ATP8B3: variants seen among roughly 807,000 people sequenced by gnomAD.
The protein encoded by ATP8B3 is phospholipid-transporting ATPase IK.
ATP8B3 carries 141 observed loss-of-function variants against 140.9 expected under a neutral mutation model. That is an observed-to-expected ratio of 1.00 (90% CI 0.87 to 1.15). The LOEUF is 1.15. Ranked by LOEUF, ATP8B3 falls within the 50% of genes most tolerant of loss-of-function variation. The pLI is 0.00. For missense variants in ATP8B3, 1,874 were observed against 1,740.6 expected (o/e 1.08, Z -1.36); for synonymous variants, 765 against 714.6 (o/e 1.07, Z -1.13).
At chr19:1,801,694 G>C (rs2068849742) in intron 12 of ATP8B3, among the ~76,000 whole-genome samples, 1 of 152,162 alleles carries the variant, frequency 6.6e-6, no homozygotes. Context: ...AGAGGTTGCA[G>C]TGAGCCAAGA....
rs998993074 is a variant in ATP8B3 at position 1,806,327 on chromosome 19, C to G, written c.678-158G>C. ...GCCTTCCCCGGGCTCCCACCCCACT[C>G]CCCGCGGGTCCACGCTCCCACCCAG... On this transcript the variant is annotated intron_variant, in intron 7 of 28. Transcript: ENST00000310127. The surrounding 1 kb of genome is among the most constrained non-coding windows in gnomAD (Gnocchi z 5.6). 2.7e-6 allele frequency: 4 copies of G among 1,471,738 alleles called. No homozygotes were observed. In the African/African-American group the frequency reaches 5.6e-5, roughly 21 times the overall value. 91.2% of individuals were successfully genotyped at this position (1,471,738 alleles called of 1,614,324 possible).
Position 1,809,519 on chromosome 19 carries a change from CA to C in ATP8B3, c.402+123del, listed in dbSNP as rs1256147752. On this transcript the variant is annotated intron_variant, in intron 4 of 28. Transcript: ENST00000310127. ...AAAGAAAGAAAAAGAAAACGAAAAC[CA>C]AAAAAAGAAAACTATCGAGCAAATA... The C allele has an allele frequency of 1.2e-5, 10 of 844,960 alleles. No homozygotes were observed. The East Asian group carries it at 1.6e-4, about 14-fold the overall frequency. The allele number at this position is 844,960 out of a possible 1,614,324, so 52.3% of individuals were successfully genotyped here.
At chr19:1,810,412 A>G (rs2069153488) in intron 3 of ATP8B3, among the ~76,000 whole-genome samples, 1 of 152,162 alleles carries the variant, frequency 6.6e-6, no homozygotes, top group Admixed American at 6.5e-5. Flanking sequence ...AATTACAGGC[A>G]TACGCCACCA....
Position 1,789,642 on chromosome 19 carries a change from T to G in ATP8B3, c.2564A>C (p.Gln855Pro). The G allele has an allele frequency of 6.3e-7, 1 of 1,596,568 alleles. No homozygotes were observed. Among genetic ancestry groups the G allele is most frequent in the Non-Finnish European group, 8.5e-7 (1 of 1,174,740 alleles). Residue 855 changes from glutamine to proline, a missense_variant, in exon 23 of 29, where the codon CAG becomes CCG. Physicochemically the swap from Gln to Pro is moderately conservative, Grantham distance 76. This residue lies in a region of ATP8B3 where 840 missense variants were observed against 760.9 expected (regional missense o/e 1.10). Coordinates refer to ENST00000310127, the MANE Select transcript of ATP8B3 (RefSeq NM_138813.4). ...GGCGTAGAGGAAATCCCTCCTGGAC[T>G]GGCCGAGCTCCTGCCACGCCTCGTC... ...NMDEAWQELG[Q>P]SRRDFLYARR...
rs991257500 is a variant in ATP8B3, at chr19:1,805,125, G to A, written c.904+249C>T. On this transcript the variant is annotated intron_variant, in intron 10 of 28. Transcript: ENST00000310127. This position sits in a 1 kb window ranked among gnomAD's most constrained non-coding sequence, Gnocchi z 5.2. ...CAAGTAGCTGGGACCACCGGCATGT[G>A]CCACCACGCCCAGCTACTTGTTTTA... 2.1e-6 allele frequency: 1 copy of A among 470,064 alleles called. No individual in the cohort carries two copies. The highest frequency in any genetic ancestry group is 3.2e-5 in the Admixed American group (1 of 31,654). 29.1% of individuals were successfully genotyped at this position (470,064 alleles called of 1,614,324 possible).
At chr19:1,801,859 C>G in intron 12 of ATP8B3, 97 bp downstream of exon 12, 1 of 920,342 alleles carries the variant, frequency 1.1e-6, no homozygotes, top group Admixed American at 2.1e-5. Flanking sequence ...TCAGGCCGCA[C>G]ATTTTGCAGA....
At chr19:1,802,703 C>G in intron 10 of ATP8B3, 58 bp from the exon 11 acceptor site, 1 of 1,556,380 alleles carries the variant, frequency 6.4e-7, no homozygotes, top group Non-Finnish European at 8.7e-7. Flanking sequence ...CCCCAGGTTC[C>G]CTGCACCGGG....
intron 14 of ATP8B3, chr19:1,799,630 G>C: frequency 1.9e-6 from 1 of 528,522 alleles, no homozygotes; most frequent in Non-Finnish European, 3.3e-6. Context: ...TAGGTGTGGT[G>C]GCAGGTGCCT....
Position 1,789,092 on chromosome 19 carries a change from G to A in ATP8B3, c.2874C>T (p.Gly958=), listed in dbSNP as rs758566363. 4 of 1,573,868 alleles carry A rather than the reference G, an allele frequency of 2.5e-6. No individual in the cohort carries two copies. The highest frequency in any genetic ancestry group is 3.4e-6 in the Non-Finnish European group (4 of 1,167,170). ...TCTGAACTGCCTGCATGCCCTCCTGGCCCGCCAGCCCCACGCCCACGTCCG... is the reference window on the plus strand; with the variant it reads ...TCTGAACTGCCTGCATGCCCTCCTGACCCGCCAGCCCCACGCCCACGTCCG... ...KTADVGVGLA[G]QEGMQAVQNS... Residue 958 remains glycine, a synonymous_variant, in exon 24 of 29, where the codon GGC becomes GGT. Coordinates refer to ENST00000310127, the MANE Select transcript of ATP8B3 (RefSeq NM_138813.4).
rs2068814148 is a variant in ATP8B3 at position 1,800,511 on chromosome 19, AT to A, written c.1153-63del. On this transcript the variant is annotated intron_variant, in intron 12 of 28. Coordinates refer to ENST00000310127, the MANE Select transcript of ATP8B3 (RefSeq NM_138813.4). This position sits in a 1 kb window ranked among gnomAD's most constrained non-coding sequence, Gnocchi z 4.4. ...GGGGGTCCCCCACTCTGCCATCAGG[AT>A]GGGGTAAACACAAAGATAAGGCTGG... is the stretch of plus-strand genomic sequence containing the variant. 2 of 1,454,864 alleles carry A rather than the reference AT, an allele frequency of 1.4e-6. No homozygotes were observed. Among genetic ancestry groups the A allele is most frequent in the Non-Finnish European group, 1.9e-6 (2 of 1,054,106 alleles). The allele number at this position is 1,454,864 out of a possible 1,614,324, so 90.1% of individuals were successfully genotyped here.
chr19:1,804,540 G>A (rs1186330963), intron 10 of ATP8B3, among the ~76,000 whole-genome samples: 6 of 151,864 alleles, frequency 4.0e-5, no homozygotes, highest in African/African-American at 7.3e-5. Flanking sequence ...CCCAGGAGGC[G>A]GAGCTTGCAG....
At chr19:1,793,705 G>C (rs1046508361) in intron 18 of ATP8B3, among the ~76,000 whole-genome samples, 1 of 152,162 alleles carries the variant, frequency 6.6e-6, no homozygotes, top group East Asian at 1.9e-4. Flanking sequence ...GTGCTCCAAG[G>C]GGTGGCCTTA....
rs1405558997 is a variant in ATP8B3, at chr19:1,809,324, T to C, written c.402+319A>G. Among the ~76,000 whole-genome samples the C allele has an allele frequency of 2.7e-5, 4 of 148,106 alleles. No individual in the cohort carries two copies. In the East Asian group the frequency reaches 6.1e-4, roughly 22 times the overall value. The stretch of plus-strand genomic sequence containing the variant: ...ATGGTGAAACTGTCTCTACTAAAAA[T>C]ACAAAAATTAGTCAGGCGTGGTGGT... On this transcript the variant is annotated intron_variant, in intron 4 of 28. Transcript: ENST00000310127.
At chr19:1,789,189 C>A in intron 23 of ATP8B3, 69 bp from the exon 24 acceptor site, 1 of 952,868 alleles carries the variant, frequency 1.0e-6, no homozygotes. Flanking sequence ...CAGACCCCCG[C>A]ACTGTTCTGC....
chr19:1,810,730 G>C (rs1384930930), intron 2 of ATP8B3, 47 bp from the exon 3 acceptor site: 2 of 1,573,438 alleles, frequency 1.3e-6, no homozygotes, highest in Non-Finnish European at 1.7e-6. Flanking sequence ...CCCAGCCCTT[G>C]CTGGGCACCA....
chr19:1,808,162 AACACATCGAT>A, intron 5 of ATP8B3, 50 bp downstream of exon 5: 1 of 1,381,854 alleles, frequency 7.2e-7, no homozygotes, highest in Non-Finnish European at 1.0e-6. Flanking sequence ...CACACAGACA[AACACATCGAT>A]GCTGCCAGGT....
chr19:1,797,080 G>C (rs2068703458), intron 14 of ATP8B3, 75 bp from the exon 15 acceptor site: 3 of 1,600,390 alleles, frequency 1.9e-6, no homozygotes, highest in African/African-American at 2.7e-5. Flanking sequence ...CTGACCCCTA[G>C]TTTCAGGCTT....
chr19:1,809,738 C>T lies in ATP8B3; in HGVS notation c.311-4G>A, dbSNP rs768885555. On this transcript the variant is annotated splice_polypyrimidine_tract_variant and splice_region_variant and intron_variant, in intron 3 of 28. Coordinates refer to ENST00000310127, the MANE Select transcript of ATP8B3 (RefSeq NM_138813.4). ...GCCTGGACCTTCCAGGTGAATGCTG[C>T]AGCGAGAGAGCCGGGCGTCGCTGGA... 6 of 1,604,294 alleles carry T rather than the reference C, an allele frequency of 3.7e-6. No individual in the cohort carries two copies. The highest frequency in any genetic ancestry group is 2.6e-6 in the Non-Finnish European group (3 of 1,175,832).
intron 14 of ATP8B3, among the ~76,000 whole-genome samples, chr19:1,797,536 G>GCCTCAAAAAAAAAAAATT: frequency 2.6e-5 from 4 of 151,300 alleles, no homozygotes; most frequent in African/African-American, 9.7e-5. Flanking sequence ...GTCCTGCTCT[G>GCCTCAAAAAAAAAAAATT]TCGCCCAGAC....
Sources: allele counts gnomAD v4.1 joint callset (sites outside exome capture counted in the v4.1 genomes callset), GRCh38; gene constraint gnomAD v4.1.1; regional missense constraint gnomAD v4.1.1; non-coding constraint Gnocchi (gnomAD v3.1); transcripts MANE v1.5; gene names NCBI Gene and HGNC (gene_info 2026-07-23, HGNC 2026-07-21).